TAMM41: variants seen among roughly 807,000 people sequenced by gnomAD.
TAMM41 encodes phosphatidate cytidylyltransferase, mitochondrial.
Under a neutral mutation model 44.1 loss-of-function variants are expected in TAMM41, and 36 were observed. The ratio of observed to expected loss-of-function variants is 0.82; its 90% CI spans 0.63 to 1.08. The LOEUF (loss-of-function observed/expected upper bound fraction) is 1.08, where lower values mean the gene tolerates loss of function less well. TAMM41 is among the 50% of genes least tolerant of loss of function. The pLI is 0.00. For synonymous variants in TAMM41, 164 were observed against 153.1 expected (o/e 1.07, Z -0.53); for missense variants, 417 against 404.3 (o/e 1.03, Z -0.27).
intron 5 of TAMM41, among the ~76,000 whole-genome samples, chr3:11,810,345 C>A (rs895042838): frequency 4.6e-5 from 7 of 152,176 alleles, no homozygotes; most frequent in African/African-American, 1.7e-4. Flanking sequence ...CTAAAACATA[C>A]TAAGGTGCTG....
At position 11,812,462 on chromosome 3, in the gene TAMM41, G is replaced by A. The variant is rs567676444; in HGVS notation, c.709-2780C>T. On this transcript the variant is annotated intron_variant, in intron 5 of 7. Coordinates refer to ENST00000455809, the MANE Select transcript of TAMM41 (RefSeq NM_001284401.2). The stretch of plus-strand genomic sequence containing the variant: ...CCAACTGGCAGAAGACATGGGCCTG[G>A]GGACCAAGGGTAGAAAGAGAAGTGA... Among the ~76,000 whole-genome samples, 9 of 152,238 alleles carry A rather than the reference G, an allele frequency of 5.9e-5. 1 individual carries two copies. The highest frequency in any genetic ancestry group is 5.9e-4 in the Admixed American group (9 of 15,272).
intron 5 of TAMM41, among the ~76,000 whole-genome samples, chr3:11,814,249 C>T (rs2078201815): frequency 6.6e-6 from 1 of 151,922 alleles, no homozygotes; most frequent in South Asian, 2.1e-4. Flanking sequence ...AAAAAAGCTT[C>T]TAACATAACA....
At chr3:11,758,574 T>C in the TAMM41 span, among the ~76,000 whole-genome samples, 1 of 152,102 alleles carries the variant, frequency 6.6e-6, no homozygotes, top group Non-Finnish European at 1.5e-5. Context: ...CTGTCTCAAA[T>C]TCCTGACCTC....
intron 7 of TAMM41, among the ~76,000 whole-genome samples, chr3:11,801,679 G>A (rs183377183): frequency 6.6e-6 from 1 of 152,178 alleles, no homozygotes; most frequent in East Asian, 1.9e-4. Context: ...CAAAGCCTGT[G>A]GGATGCAGCA....
chr3:11,730,970 C>T, the TAMM41 span, among the ~76,000 whole-genome samples: 1 of 152,116 alleles, frequency 6.6e-6, no homozygotes, highest in African/African-American at 2.4e-5. Context: ...TGAGTTCAAA[C>T]CTGGGTCCTA....
chr3:11,844,140 A>G lies in TAMM41; in HGVS notation c.207T>C (p.Asn69=), dbSNP rs148552323. ...VAWHSKNLKK[N]WSHYSFLKVL... ...CTTTTAGGAAAGAGTAGTGACTCCA[A>G]TTTTTCTTCAGGTTCTTTGAATGCC... Residue 69 remains asparagine, a synonymous_variant, in exon 2 of 8, where the codon AAT becomes AAC. Transcript: ENST00000455809. 18 of 1,614,168 alleles carry G rather than the reference A, an allele frequency of 1.1e-5. No individual in the cohort carries two copies. In the Middle Eastern group the frequency reaches 4.9e-4, roughly 44 times the overall value.
the TAMM41 span, among the ~76,000 whole-genome samples, chr3:11,748,910 G>GTTTTTTTTT: frequency 1.3e-5 from 1 of 77,380 alleles, no homozygotes; most frequent in African/African-American, 5.6e-5. Context: ...CTGGGAAGTA[G>GTTTTTTTTT]ATTTTTTTTT....
intron 7 of TAMM41, among the ~76,000 whole-genome samples, chr3:11,793,372 G>A (rs2077531946): frequency 1.3e-5 from 2 of 152,214 alleles, no homozygotes; most frequent in African/African-American, 2.4e-5. Flanking sequence ...CAGGCATTCA[G>A]GGAGGTGCTG....
At chr3:11,729,515 T>G in the TAMM41 span, among the ~76,000 whole-genome samples, 1 of 143,006 alleles carries the variant, frequency 7.0e-6, no homozygotes. Context: ...CTTTCTTTCT[T>G]TCTTTCTTTC....
At chr3:11,739,249 C>T in the TAMM41 span, among the ~76,000 whole-genome samples, 3 of 152,204 alleles carry the variant, frequency 2.0e-5, no homozygotes, top group Non-Finnish European at 4.4e-5. Context: ...ACATTCTTGC[C>T]TCCTCCCCTA....
At chr3:11,732,996 T>TTTG in the TAMM41 span, among the ~76,000 whole-genome samples, 1 of 105,972 alleles carries the variant, frequency 9.4e-6, no homozygotes, top group Admixed American at 9.4e-5. Context: ...TGAGTTTTTT[T>TTTG]TTTGTTTGTT....
At chr3:11,823,536 C>T (rs187760614) in intron 4 of TAMM41, among the ~76,000 whole-genome samples, 23 of 151,964 alleles carry the variant, frequency 1.5e-4, no homozygotes, top group African/African-American at 5.3e-4. Flanking sequence ...GGATTACAGG[C>T]GTGAGCCACT....
At chr3:11,835,985 T>A (rs2079155301) in intron 3 of TAMM41, among the ~76,000 whole-genome samples, 1 of 141,582 alleles carries the variant, frequency 7.1e-6, no homozygotes, top group South Asian at 2.3e-4. Context: ...CCAATATTCC[T>A]TTTCCTTTTT....
intron 1 of TAMM41, chr3:11,844,859 T>G (rs2079605537): frequency 2.2e-6 from 1 of 454,580 alleles, no homozygotes; most frequent in Admixed American, 2.4e-5. Context: ...ATCACTACAT[T>G]GACTTGATAG....
chr3:11,753,928 T>C, the TAMM41 span, among the ~76,000 whole-genome samples: 1 of 152,108 alleles, frequency 6.6e-6, no homozygotes, highest in East Asian at 1.9e-4. Flanking sequence ...CACTGAGTGC[T>C]TCAGGATGCA....
At chr3:11,752,235 T>A in the TAMM41 span, among the ~76,000 whole-genome samples, 1 of 152,124 alleles carries the variant, frequency 6.6e-6, no homozygotes, top group Admixed American at 6.6e-5. Context: ...GCCATGGACC[T>A]CGGCGGTGAG....
chr3:11,837,611 A>T (rs1166004290), intron 3 of TAMM41, among the ~76,000 whole-genome samples: 2 of 152,190 alleles, frequency 1.3e-5, no homozygotes, highest in Non-Finnish European at 2.9e-5. Context: ...TGAGAAAGAG[A>T]ATAAAAGGGA....
intron 4 of TAMM41, among the ~76,000 whole-genome samples, chr3:11,827,604 G>A (rs1392321137): frequency 6.8e-6 from 1 of 146,086 alleles, no homozygotes; most frequent in Admixed American, 6.9e-5. Flanking sequence ...ACAGCTGGCT[G>A]GGTTAGAAAG....
chr3:11,838,409 G>T (rs1312121355), intron 3 of TAMM41, among the ~76,000 whole-genome samples: 4 of 152,124 alleles, frequency 2.6e-5, no homozygotes, highest in Admixed American at 2.6e-4. Context: ...GTAGAGACGG[G>T]GTTTCACCAC....
Sources: gnomAD v4.1 joint callset for allele counts (sites outside exome capture counted in the v4.1 genomes callset) on GRCh38, gnomAD v4.1.1 for gene constraint, MANE v1.5 for transcripts, NCBI Gene and HGNC (gene_info 2026-07-23, HGNC 2026-07-21) for gene names.